MYBPC2: variants seen among roughly 807,000 people sequenced by gnomAD.
The protein encoded by MYBPC2 is myosin-binding protein C, fast-type.
In MYBPC2, 122 loss-of-function variants were observed where a neutral mutation model predicts 137.0. The ratio of observed to expected loss-of-function variants is 0.89; its 90% CI spans 0.77 to 1.03. The LOEUF (loss-of-function observed/expected upper bound fraction) is 1.03. MYBPC2 is among the 50% of genes least tolerant of loss of function. MYBPC2 has a pLI of 0.00. For synonymous variants in MYBPC2, 626 were observed against 612.3 expected, an observed-to-expected ratio of 1.02 and a Z score of -0.33; for missense variants, 1,500 against 1,534.4, an observed-to-expected ratio of 0.98 and a Z score of 0.37.
At chr19:50,458,799 C>T (rs1228678398) in intron 21 of MYBPC2, 45 bp downstream of exon 21, 4 of 1,603,502 alleles carry the variant, frequency 2.5e-6, no homozygotes, top group African/African-American at 1.3e-5. Context: ...AAGCTGGCGT[C>T]GTCCCGCCTG....
chr19:50,446,812 C>G (rs1326640797), intron 12 of MYBPC2, among the ~76,000 whole-genome samples: 3 of 128,830 alleles, frequency 2.3e-5, no homozygotes, highest in African/African-American at 6.0e-5. Context: ...GAGTAAGACT[C>G]TGTCTCAAAA....
In MYBPC2 at chr19:50,455,507, C is replaced by T; in HGVS notation, c.2204-3C>T. ...CATATCCTCTTTTTCTGGATGCTTG[C>T]AGCACCCACGAGTGAACCCCTGCAC... On this transcript the variant is annotated splice_region_variant and splice_polypyrimidine_tract_variant and intron_variant, in intron 19 of 27. Transcript: ENST00000357701. 6.2e-7 allele frequency: 1 copy of T among 1,612,116 alleles called. No homozygotes were observed. The highest frequency in any genetic ancestry group is 8.5e-7 in the Non-Finnish European group (1 of 1,178,588).
At chr19:50,456,110 ATCCATCCATCCATCATT>A (rs2039908785) in intron 20 of MYBPC2, among the ~76,000 whole-genome samples, 1 of 142,326 alleles carries the variant, frequency 7.0e-6, no homozygotes. Flanking sequence ...CCATCCATCC[ATCCATCCATCCATCATT>A]TCCATCCATC....
chr19:50,436,591 A>C (rs770044231), intron 4 of MYBPC2, 26 bp from the exon 5 acceptor site: 357 of 1,600,692 alleles, frequency 2.2e-4, no homozygotes, highest in Middle Eastern at 3.3e-4. Context: ...GGTCCCGTGC[A>C]CCCACACCCC....
intron 14 of MYBPC2, 100 bp downstream of exon 14, chr19:50,451,035 C>T (rs768278352): frequency 9.7e-6 from 11 of 1,130,244 alleles, no homozygotes; most frequent in Admixed American, 4.2e-5. Flanking sequence ...TCCCCGAGTG[C>T]GAATGAGGAC....
chr19:50,464,342 A>G lies in MYBPC2; in HGVS notation c.3229-4A>G. On this transcript the variant is annotated splice_region_variant and splice_polypyrimidine_tract_variant and intron_variant, in intron 26 of 27. Transcript: ENST00000357701. ...TTGGCCTCCTCTCCCTTGACTCTCAACAGCCGAAGGTGGTCTGGATGAAGA... is the reference window on the plus strand; with the variant it reads ...TTGGCCTCCTCTCCCTTGACTCTCAGCAGCCGAAGGTGGTCTGGATGAAGA... The G allele has an allele frequency of 6.2e-7, 1 of 1,601,316 alleles. No homozygotes were observed. The highest frequency in any genetic ancestry group is 8.5e-7 in the Non-Finnish European group (1 of 1,174,264).
intron 9 of MYBPC2, among the ~76,000 whole-genome samples, chr19:50,442,765 T>A (rs981148177): frequency 2.0e-5 from 3 of 151,908 alleles, no homozygotes; most frequent in African/African-American, 4.8e-5. Flanking sequence ...CAAGACAACC[T>A]TTTTTAAATT....
At chr19:50,438,264 AGC>A (rs2039721738) in intron 7 of MYBPC2, among the ~76,000 whole-genome samples, 1 of 152,166 alleles carries the variant, frequency 6.6e-6, no homozygotes, top group African/African-American at 2.4e-5. Context: ...CAGTCAGCCT[AGC>A]TACATGGGTA....
At chr19:50,458,465 C>T (rs2039934192) in intron 20 of MYBPC2, 122 bp from the exon 21 acceptor site, 6 of 1,169,132 alleles carry the variant, frequency 5.1e-6, no homozygotes, top group South Asian at 3.1e-5. Flanking sequence ...GCTGCTGCTG[C>T]TTCTACTGGG....
intron 15 of MYBPC2, among the ~76,000 whole-genome samples, chr19:50,451,634 A>C (rs548805646): frequency 9.8e-6 from 1 of 102,028 alleles, no homozygotes; most frequent in Non-Finnish European, 2.0e-5. Flanking sequence ...GGGGTTGGGG[A>C]CCTGGATCCC....
intron 4 of MYBPC2, 69 bp downstream of exon 4, chr19:50,436,229 G>A: frequency 6.6e-7 from 1 of 1,513,390 alleles, no homozygotes; most frequent in East Asian, 2.5e-5. Flanking sequence ...CTCCTCAGAA[G>A]CCCTGTTGCC....
Position 50,443,714 on chromosome 19 carries a change from C to G in MYBPC2, c.1031C>G (p.Pro344Arg). 6.2e-7 allele frequency: 1 copy of G among 1,613,780 alleles called. No individual in the cohort carries two copies. Among genetic ancestry groups the G allele is most frequent in the South Asian group, 1.1e-5 (1 of 91,052 alleles). ...CTCCTGTCCCCCTGCCCCACAGAAC[C>G]TCCAGTCCTAATTGTCACACCTCTT... ...KCFTELFVKEPPVLIVTPLED... is the reference protein window; with the variant it reads ...KCFTELFVKERPVLIVTPLED... Residue 344 changes from proline (P) to arginine (R), a missense_variant, in exon 11 of 28, where the codon CCT (proline) becomes CGT (arginine). By Grantham distance (103) the Pro-to-Arg change is moderately radical. Transcript: ENST00000357701.
intron 26 of MYBPC2, chr19:50,464,121 G>T (rs1484712422): frequency 1.1e-5 from 5 of 467,252 alleles, no homozygotes; most frequent in Admixed American, 7.2e-5. Context: ...TGAGCTCTTT[G>T]TCCTGAGAGC....
Position 50,435,658 on chromosome 19 carries a change from T to A in MYBPC2, c.110-118T>A, listed in dbSNP as rs1334097854. The A allele has an allele frequency of 1.2e-6, 1 of 814,382 alleles. No homozygotes were observed. Among genetic ancestry groups the A allele is most frequent in the Non-Finnish European group, 1.9e-6 (1 of 522,906 alleles). The allele number at this position is 814,382 out of a possible 1,614,324, so 50.4% of individuals were successfully genotyped here. On this transcript the variant is annotated intron_variant, in intron 2 of 27. Coordinates refer to ENST00000357701, the MANE Select transcript of MYBPC2 (RefSeq NM_004533.4). This position sits in a 1 kb window ranked among gnomAD's most constrained non-coding sequence, Gnocchi z 4.8. ...AGGAAAAGCCATTTAACCCCCATGATGTTTGGTTTCTGAGTAGAGGGGCCC... is the reference window on the plus strand; with the variant it reads ...AGGAAAAGCCATTTAACCCCCATGAAGTTTGGTTTCTGAGTAGAGGGGCCC...
intron 13 of MYBPC2, among the ~76,000 whole-genome samples, chr19:50,448,638 T>G (rs572267576): frequency 1.3e-5 from 2 of 152,044 alleles, no homozygotes; most frequent in South Asian, 4.2e-4. Context: ...TTTTTTGTAT[T>G]TAGTAAAGAC....
Position 50,453,503 on chromosome 19 carries a change from C to CT in MYBPC2, c.1750-509dup, listed in dbSNP as rs566583203. Among the ~76,000 whole-genome samples, 40 of 142,468 alleles carry CT rather than the reference C, an allele frequency of 2.8e-4. No individual in the cohort carries two copies. In the South Asian group the frequency reaches 7.7e-3, roughly 28 times the overall value. 93.5% of individuals were successfully genotyped at this position (142,468 alleles called of 152,430 possible). On this transcript the variant is annotated intron_variant, in intron 16 of 27. Transcript: ENST00000357701. Reference sequence around the variant, plus strand: ...TGCAAAATCTCTGGGACAAGGCAGTCTTTTTTTTGTTGTTGTTGTTGTTTG... The same window carrying CT: ...TGCAAAATCTCTGGGACAAGGCAGTCTTTTTTTTTGTTGTTGTTGTTGTTTG...
Position 50,435,917 on chromosome 19 carries a change from AG to A in MYBPC2, c.196+57del. 6.5e-7 allele frequency: 1 copy of A among 1,548,704 alleles called. No individual in the cohort carries two copies. The highest frequency in any genetic ancestry group is 8.7e-7 in the Non-Finnish European group (1 of 1,143,272). ...CGGCCCGGACTCCTGGGTCTGAGGG[AG>A]GAGGGGCCAGGGTCTCGTTCTGTCT... On this transcript the variant is annotated intron_variant, in intron 3 of 27. Coordinates refer to ENST00000357701, the MANE Select transcript of MYBPC2 (RefSeq NM_004533.4). The surrounding 1 kb of genome is among the most constrained non-coding windows in gnomAD (Gnocchi z 4.8).
intron 21 of MYBPC2, 35 bp from the exon 22 acceptor site, chr19:50,458,883 C>T: frequency 6.3e-7 from 1 of 1,598,856 alleles, no homozygotes; most frequent in Non-Finnish European, 8.5e-7. Flanking sequence ...GCCCCGGCCC[C>T]CCGCTGAGCC....
intron 7 of MYBPC2, 27 bp from the exon 8 acceptor site, chr19:50,440,853 G>A (rs1484792262): frequency 1.3e-6 from 2 of 1,594,954 alleles, no homozygotes; most frequent in Non-Finnish European, 1.7e-6. Context: ...CTCCCTGATG[G>A]CCCCTGTCCG....
Sources: allele counts gnomAD v4.1 joint callset (sites outside exome capture counted in the v4.1 genomes callset), GRCh38; gene constraint gnomAD v4.1.1; non-coding constraint Gnocchi (gnomAD v3.1); transcripts MANE v1.5; gene names NCBI Gene and HGNC (gene_info 2026-07-23, HGNC 2026-07-21).